SLC5A5: variants seen among roughly 807,000 people sequenced by gnomAD.
SLC5A5 encodes sodium/iodide cotransporter.
In SLC5A5, 56 loss-of-function variants were observed where a neutral mutation model predicts 68.6. The ratio of observed to expected loss-of-function variants is 0.82; its 90% CI spans 0.66 to 1.02. The LOEUF (loss-of-function observed/expected upper bound fraction) is 1.02. Among genes scored for constraint, SLC5A5 ranks in the 50% least tolerant of loss-of-function variants. The pLI, the probability that SLC5A5 is intolerant of heterozygous loss-of-function variation, is 0.00. For synonymous variants in SLC5A5, 398 were observed against 373.0 expected, an observed-to-expected ratio of 1.07 and a Z score of -0.77; for missense variants, 807 against 859.8, an observed-to-expected ratio of 0.94 and a Z score of 0.77.
At chr19:17,889,960 C>T (rs560035363) in intron 13 of SLC5A5, among the ~76,000 whole-genome samples, 2 of 152,176 alleles carry the variant, frequency 1.3e-5, no homozygotes, top group Non-Finnish European at 2.9e-5. Flanking sequence ...AGTCATCAGG[C>T]CTTTATCGAG....
chr19:17,892,608 G>A (rs2030216913), intron 14 of SLC5A5, among the ~76,000 whole-genome samples: 1 of 146,720 alleles, frequency 6.8e-6, no homozygotes, highest in African/African-American at 2.5e-5. Flanking sequence ...TTGCACTCCA[G>A]CCTGGGCAAC....
chr19:17,876,611 C>T (rs1599913457), intron 5 of SLC5A5, among the ~76,000 whole-genome samples: 1 of 152,120 alleles, frequency 6.6e-6, no homozygotes, highest in Admixed American at 6.6e-5. Flanking sequence ...CGCCTGTAAT[C>T]CCAGCACTTT....
chr19:17,874,289 C>G lies in SLC5A5; in HGVS notation c.423+86C>G, dbSNP rs555446155. Reference sequence around the variant, plus strand: ...CGGCCCCCACCATTCAAGACCCCGCCCAGACCCCGCCCCCCATGCTCCCGT... The same window carrying G: ...CGGCCCCCACCATTCAAGACCCCGCGCAGACCCCGCCCCCCATGCTCCCGT... On this transcript the variant is annotated intron_variant, in intron 2 of 14. Transcript: ENST00000222248. 226 of 861,572 alleles carry G rather than the reference C, an allele frequency of 2.6e-4. 2 individuals carry two copies. The East Asian group carries it at 4.4e-3, about 17-fold the overall frequency. 53.4% of individuals were successfully genotyped at this position (861,572 alleles called of 1,614,324 possible). A position where few individuals can be genotyped will look rare whatever the true frequency, so the allele number is the denominator to read the frequency against.
At chr19:17,874,771 G>C in intron 4 of SLC5A5, 40 bp downstream of exon 4, 1 of 1,593,188 alleles carries the variant, frequency 6.3e-7, no homozygotes. Context: ...GGGGGATCGG[G>C]CCCACTGTGT....
intron 12 of SLC5A5, among the ~76,000 whole-genome samples, chr19:17,885,009 A>ATT (rs71164317): frequency 0.21 from 27,556 of 132,300 alleles, 3,026 homozygotes; most frequent in Middle Eastern, 0.27. Context: ...AACATTTTCT[A>ATT]TTTTTTTTTT....
intron 7 of SLC5A5, among the ~76,000 whole-genome samples, chr19:17,880,617 G>A (rs981012760): frequency 6.6e-6 from 1 of 152,208 alleles, no homozygotes; most frequent in Non-Finnish European, 1.5e-5. Context: ...GATCGCTTGA[G>A]CCCAGGAGTT....
chr19:17,879,910 T>A (rs2094316667), intron 7 of SLC5A5, among the ~76,000 whole-genome samples: 1 of 151,930 alleles, frequency 6.6e-6, no homozygotes, highest in Non-Finnish European at 1.5e-5. Flanking sequence ...CACAATTTTT[T>A]TTTTTTTGAG....
rs369703804 is a variant in SLC5A5 at position 17,888,480 on chromosome 19, C to T, written c.1651+25C>T. On this transcript the variant is annotated intron_variant, in intron 13 of 14. Coordinates refer to ENST00000222248, the MANE Select transcript of SLC5A5 (RefSeq NM_000453.3). ...GGTAGGTAAACAGAGCATGTGGCCT[C>T]AGAGGTCATCCCATTCATCTCTCTG... 23 of 1,612,580 alleles carry T rather than the reference C, an allele frequency of 1.4e-5. No homozygotes were observed. In the African/African-American group the frequency reaches 1.6e-4, roughly 11 times the overall value.
At chr19:17,892,831 T>C (rs1212079514) in intron 14 of SLC5A5, among the ~76,000 whole-genome samples, 1 of 152,040 alleles carries the variant, frequency 6.6e-6, no homozygotes. Context: ...TGACATTGAT[T>C]GACCCTGAGT....
chr19:17,884,088 G>A, intron 12 of SLC5A5, 42 bp downstream of exon 12: 1 of 1,484,178 alleles, frequency 6.7e-7, no homozygotes, highest in Non-Finnish European at 9.1e-7. Context: ...AGCCCTGGAT[G>A]GTGTGATCTT....
chr19:17,888,841 G>T (rs1008277596), intron 13 of SLC5A5, among the ~76,000 whole-genome samples: 1 of 150,970 alleles, frequency 6.6e-6, no homozygotes, highest in Non-Finnish European at 1.5e-5. Context: ...CATGTGTCTC[G>T]AACTCCTGGG....
In SLC5A5 at chr19:17,877,850, A is replaced by C; in HGVS notation, c.826A>C (p.Lys276Gln). 6.2e-7 allele frequency: 1 copy of C among 1,614,156 alleles called. No individual in the cohort carries two copies. Residue 276 changes from lysine (K) to glutamine (Q), a missense_variant, in exon 6 of 15, where the codon AAG becomes CAG. Physicochemically the swap from Lys to Gln is moderately conservative, Grantham distance 53. Transcript: ENST00000222248. Reference protein sequence around the residue: ...VQRYVACRTEKQAKLALLINQ... With the variant: ...VQRYVACRTEQQAKLALLINQ... ...GCGCTACGTGGCTTGCCGCACAGAG[A>C]AGCAGGCCAAGCTGTGAGTGTTTCG...
intron 8 of SLC5A5, 78 bp downstream of exon 8, chr19:17,881,031 G>A (rs1027403155): frequency 5.6e-6 from 6 of 1,068,080 alleles, no homozygotes; most frequent in Admixed American, 1.7e-5. Context: ...ATCCCTCTGG[G>A]GCATGGAATG....
intron 7 of SLC5A5, among the ~76,000 whole-genome samples, chr19:17,878,495 ACT>A (rs2094312913): frequency 6.6e-6 from 1 of 150,962 alleles, no homozygotes; most frequent in African/African-American, 2.5e-5. Flanking sequence ...ACAGAGTGAG[ACT>A]CTGTCTCAAA....
At chr19:17,879,695 G>A (rs569294291) in intron 7 of SLC5A5, among the ~76,000 whole-genome samples, 23 of 152,294 alleles carry the variant, frequency 1.5e-4, no homozygotes, top group Admixed American at 3.3e-4. Context: ...TCAGATCCGG[G>A]ACTGCTGGAC....
Position 17,883,712 on chromosome 19 carries a change from G to C in SLC5A5, c.1274G>C (p.Gly425Ala). ...GSFTVMGVIS[G>A]PLLGAFILGM... ...TTCACCGTCATGGGAGTCATCAGCG[G>C]CCCCCTGCTGGGAGCCTTCATCTTG... The change falls in exon 11 of 15, where the codon GGC (glycine) becomes GCC (alanine). Residue 425 changes from glycine (G) to alanine (A), a missense_variant. Gly to Ala is a moderately conservative substitution (Grantham distance 60). Transcript: ENST00000222248. 6.6e-7 allele frequency: 1 copy of C among 1,504,668 alleles called. No homozygotes were observed. The highest frequency in any genetic ancestry group is 9.0e-7 in the Non-Finnish European group (1 of 1,114,052). 93.2% of individuals were successfully genotyped at this position (1,504,668 alleles called of 1,614,324 possible).
chr19:17,889,972 C>G (rs1449142938), intron 13 of SLC5A5, among the ~76,000 whole-genome samples: 1 of 152,226 alleles, frequency 6.6e-6, no homozygotes, highest in Admixed American at 6.5e-5. Flanking sequence ...TTTATCGAGT[C>G]CTCCTCTGTG....
intron 10 of SLC5A5, 110 bp from the exon 11 acceptor site, chr19:17,883,571 C>G: frequency 1.1e-6 from 1 of 893,042 alleles, no homozygotes; most frequent in East Asian, 2.4e-5. Flanking sequence ...CAGAGGAGTC[C>G]TTGAGACCCA....
chr19:17,882,905 G>A (rs1404557486), intron 10 of SLC5A5, among the ~76,000 whole-genome samples: 6 of 151,970 alleles, frequency 3.9e-5, no homozygotes, highest in Admixed American at 1.3e-4. Flanking sequence ...GGATGGTCTC[G>A]ATCTCCTGAC....
Sources: allele counts gnomAD v4.1 joint callset (sites outside exome capture counted in the v4.1 genomes callset), GRCh38; gene constraint gnomAD v4.1.1; transcripts MANE v1.5; gene names NCBI Gene and HGNC (gene_info 2026-07-23, HGNC 2026-07-21).